Variants in SLC24A2 observed in about 807,000 individuals in gnomAD.
The protein encoded by SLC24A2 is solute carrier family 24 member 2.
In SLC24A2, 36 loss-of-function variants were observed where a neutral mutation model predicts 62.0. The observed-to-expected ratio is 0.58, with a 90% CI of 0.44 to 0.77. The LOEUF is 0.77. Ranked by LOEUF, SLC24A2 falls within the 30% of genes least tolerant of loss-of-function variation. SLC24A2 has a pLI of 0.00. For synonymous variants in SLC24A2, 358 were observed against 294.0 expected, an observed-to-expected ratio of 1.22 and a Z score of -2.23; for missense variants, 846 against 817.9, an observed-to-expected ratio of 1.03 and a Z score of -0.42.
chr9:20,006,692 C>T, the SLC24A2 span, among the ~76,000 whole-genome samples: 1 of 152,122 alleles, frequency 6.6e-6, no homozygotes, highest in African/African-American at 2.4e-5. Context: ...AATTCTCTGT[C>T]TCTCCATTAC....
At chr9:20,195,850 ATTT>A in the SLC24A2 span, among the ~76,000 whole-genome samples, 6 of 140,938 alleles carry the variant, frequency 4.3e-5, no homozygotes, top group Non-Finnish European at 7.7e-5. Flanking sequence ...AGAAAAAAAA[ATTT>A]TTTAACTTAA....
the SLC24A2 span, among the ~76,000 whole-genome samples, chr9:19,904,470 C>A: frequency 3.3e-5 from 5 of 152,132 alleles, no homozygotes; most frequent in African/African-American, 1.2e-4. Flanking sequence ...ACCAAGTTTA[C>A]TAGATTGGAC....
the SLC24A2 span, among the ~76,000 whole-genome samples, chr9:20,264,550 C>A: frequency 6.6e-6 from 1 of 152,338 alleles, no homozygotes; most frequent in Non-Finnish European, 1.5e-5. Context: ...ACACAATTGG[C>A]ATTCAATTCT....
the SLC24A2 span, among the ~76,000 whole-genome samples, chr9:19,960,291 C>G: frequency 6.6e-6 from 1 of 152,196 alleles, no homozygotes. Flanking sequence ...TGATATTTTC[C>G]ATTCTGTTCC....
chr9:19,604,480 C>A (rs530996124), intron 4 of SLC24A2, among the ~76,000 whole-genome samples: 35 of 152,300 alleles, frequency 2.3e-4, no homozygotes, highest in African/African-American at 8.4e-4. Flanking sequence ...TGTGGCCTGG[C>A]TGGATTCAGT....
At chr9:19,580,957 G>T (rs910640036) in intron 5 of SLC24A2, among the ~76,000 whole-genome samples, 1 of 152,166 alleles carries the variant, frequency 6.6e-6, no homozygotes, top group African/African-American at 2.4e-5. Flanking sequence ...CTGAGCTGCA[G>T]GGGTCTTCTG....
At chr9:20,042,036 C>T in the SLC24A2 span, among the ~76,000 whole-genome samples, 3 of 152,208 alleles carry the variant, frequency 2.0e-5, no homozygotes, top group Non-Finnish European at 1.5e-5. Flanking sequence ...GGGAGCCTGT[C>T]ATCTTGTGGT....
chr9:20,001,449 C>A, the SLC24A2 span, among the ~76,000 whole-genome samples: 3 of 152,222 alleles, frequency 2.0e-5, no homozygotes, highest in Non-Finnish European at 4.4e-5. Flanking sequence ...TCCTTTGCTG[C>A]TTAAATCATT....
At chr9:19,639,747 C>T (rs1342841232) in intron 2 of SLC24A2, among the ~76,000 whole-genome samples, 1 of 152,226 alleles carries the variant, frequency 6.6e-6, no homozygotes, top group African/African-American at 2.4e-5. Context: ...GACACATCTC[C>T]TCTAGTATAA....
At chr9:20,021,365 A>G in the SLC24A2 span, among the ~76,000 whole-genome samples, 1 of 151,824 alleles carries the variant, frequency 6.6e-6, no homozygotes, top group East Asian at 1.9e-4. Context: ...ATATATATTT[A>G]TATATACACA....
At chr9:19,924,448 C>T in the SLC24A2 span, among the ~76,000 whole-genome samples, 12 of 152,174 alleles carry the variant, frequency 7.9e-5, no homozygotes, top group Non-Finnish European at 5.9e-5. Context: ...TTGACTTACA[C>T]CCCTTGTGGC....
chr9:19,579,562 T>C (rs1836142268), intron 5 of SLC24A2, among the ~76,000 whole-genome samples: 1 of 152,176 alleles, frequency 6.6e-6, no homozygotes, highest in Admixed American at 6.5e-5. Context: ...TTGTTTGAAC[T>C]CAGAACATCC....
the SLC24A2 span, among the ~76,000 whole-genome samples, chr9:20,228,626 G>A: frequency 6.6e-6 from 1 of 152,240 alleles, no homozygotes; most frequent in East Asian, 1.9e-4. Context: ...TAAGAGAGAA[G>A]AAGGGTGAAC....
At chr9:19,686,605 A>T (rs892515377) in intron 2 of SLC24A2, among the ~76,000 whole-genome samples, 8 of 152,230 alleles carry the variant, frequency 5.3e-5, no homozygotes, top group Admixed American at 5.2e-4. Flanking sequence ...GAGTTCTCAC[A>T]AGATCTAATG....
At chr9:20,168,049 C>G in the SLC24A2 span, among the ~76,000 whole-genome samples, 1 of 151,770 alleles carries the variant, frequency 6.6e-6, no homozygotes, top group Non-Finnish European at 1.5e-5. Flanking sequence ...GGGTCATTAT[C>G]CATGCAAACT....
At chr9:20,245,262 G>C in the SLC24A2 span, among the ~76,000 whole-genome samples, 1 of 152,146 alleles carries the variant, frequency 6.6e-6, no homozygotes, top group African/African-American at 2.4e-5. Context: ...CTATAACTGA[G>C]TTAAGTATCA....
chr9:19,728,548 A>G (rs1451760254), intron 2 of SLC24A2, among the ~76,000 whole-genome samples: 2 of 152,092 alleles, frequency 1.3e-5, no homozygotes, highest in East Asian at 3.8e-4. Flanking sequence ...AAAAATCTTA[A>G]CCTGTCACAC....
the SLC24A2 span, among the ~76,000 whole-genome samples, chr9:20,182,017 A>G: frequency 6.6e-6 from 1 of 152,238 alleles, no homozygotes; most frequent in Non-Finnish European, 1.5e-5. Flanking sequence ...GCCAACAGAC[A>G]TATGAAAAAA....
chr9:19,858,593 A>T, the SLC24A2 span, among the ~76,000 whole-genome samples: 2 of 152,344 alleles, frequency 1.3e-5, no homozygotes, highest in South Asian at 2.1e-4. Flanking sequence ...TCTGCAAAGT[A>T]TGCATCTGAT....
Sources: allele counts gnomAD v4.1 joint callset (sites outside exome capture counted in the v4.1 genomes callset), GRCh38; gene constraint gnomAD v4.1.1; transcripts MANE v1.5; gene names NCBI Gene and HGNC (gene_info 2026-07-23, HGNC 2026-07-21).